Variants in IPO11 observed in about 807,000 individuals in gnomAD.
IPO11 encodes importin 11.
IPO11 carries 66 observed loss-of-function variants against 143.2 expected under a neutral mutation model. The observed-to-expected ratio is 0.46, with a 90% confidence interval of 0.38 to 0.57. The LOEUF (loss-of-function observed/expected upper bound fraction) is 0.57, where lower values mean the gene tolerates loss of function less well. Among genes scored for constraint, IPO11 ranks in the 20% least tolerant of loss-of-function variants. IPO11 has a pLI of 0.00. For missense variants in IPO11, 1,026 were observed against 1,141.0 expected, an observed-to-expected ratio of 0.90 and a Z score of 1.45; for synonymous variants, 385 against 377.8, an observed-to-expected ratio of 1.02 and a Z score of -0.22.
At chr5:62,619,084 A>G (rs1052188335) in intron 29 of IPO11, among the ~76,000 whole-genome samples, 2 of 152,126 alleles carry the variant, frequency 1.3e-5, no homozygotes, top group Non-Finnish European at 2.9e-5. Flanking sequence ...TTAGCCAGGC[A>G]TGGTATTGCA....
intron 5 of IPO11, among the ~76,000 whole-genome samples, chr5:62,452,659 G>A (rs1177473285): frequency 9.4e-5 from 10 of 106,532 alleles, no homozygotes; most frequent in Admixed American, 7.9e-4. Context: ...TTGGTTTTGG[G>A]TTCGTGTGTG....
chr5:62,495,118 C>G (rs1281058605), intron 16 of IPO11, among the ~76,000 whole-genome samples: 1 of 152,080 alleles, frequency 6.6e-6, no homozygotes, highest in African/African-American at 2.4e-5. Flanking sequence ...GATTTTCTAC[C>G]TAAGTATTAT....
chr5:62,429,570 C>T (rs1743897421), intron 1 of IPO11, among the ~76,000 whole-genome samples: 1 of 145,298 alleles, frequency 6.9e-6, no homozygotes, highest in Non-Finnish European at 1.5e-5. Context: ...CGCACACCAC[C>T]ATGCCCGTCT....
chr5:62,452,299 G>A (rs1460065146), intron 5 of IPO11, among the ~76,000 whole-genome samples: 1 of 151,156 alleles, frequency 6.6e-6, no homozygotes, highest in Non-Finnish European at 1.5e-5. Context: ...AAAAAAAAAT[G>A]ACTATAGTTT....
intron 2 of IPO11, among the ~76,000 whole-genome samples, chr5:62,442,378 A>G (rs1744515350): frequency 1.3e-5 from 2 of 152,140 alleles, no homozygotes; most frequent in African/African-American, 4.8e-5. Flanking sequence ...TAATTTTTTT[A>G]CTAGGGGAAT....
At chr5:62,434,225 C>G (rs780560689) in intron 1 of IPO11, among the ~76,000 whole-genome samples, 1 of 152,128 alleles carries the variant, frequency 6.6e-6, no homozygotes, top group African/African-American at 2.4e-5. Flanking sequence ...TCATTCACGT[C>G]TCTCATAAAT....
At chr5:62,470,405 G>A (rs1194925425) in intron 7 of IPO11, 97 bp downstream of exon 7, 1 of 1,080,464 alleles carries the variant, frequency 9.3e-7, no homozygotes, top group African/African-American at 1.6e-5. Context: ...AATTAGAAGA[G>A]TTTTTATTAA....
intron 15 of IPO11, among the ~76,000 whole-genome samples, chr5:62,493,453 G>A (rs1741018781): frequency 6.6e-6 from 1 of 152,004 alleles, no homozygotes; most frequent in Non-Finnish European, 1.5e-5. Context: ...AAAAGAGTCA[G>A]GATTACAACA....
At chr5:62,477,516 T>C (rs751624696) in intron 9 of IPO11, among the ~76,000 whole-genome samples, 12 of 152,202 alleles carry the variant, frequency 7.9e-5, no homozygotes, top group Non-Finnish European at 1.3e-4. Context: ...TCGTTTCTCT[T>C]GTTCCAAGTA....
chr5:62,493,402 T>C (rs555827851), intron 15 of IPO11, among the ~76,000 whole-genome samples: 43 of 152,280 alleles, frequency 2.8e-4, no homozygotes, highest in Admixed American at 1.8e-3. Flanking sequence ...CAAATGGATT[T>C]GGTTTTTATG....
intron 28 of IPO11, among the ~76,000 whole-genome samples, chr5:62,599,044 C>T (rs202132460): frequency 5.9e-5 from 9 of 152,088 alleles, no homozygotes; most frequent in South Asian, 2.1e-4. Flanking sequence ...ATCAACATGA[C>T]GGAGGAAATG....
intron 12 of IPO11, among the ~76,000 whole-genome samples, chr5:62,485,950 C>T (rs758963928): frequency 4.4e-4 from 65 of 148,436 alleles, no homozygotes; most frequent in African/African-American, 1.4e-3. Flanking sequence ...TAAATTATGA[C>T]GTTTAATCTG....
intron 4 of IPO11, among the ~76,000 whole-genome samples, chr5:62,450,849 T>G (rs1402993268): frequency 6.7e-6 from 1 of 149,978 alleles, no homozygotes; most frequent in Non-Finnish European, 1.5e-5. Flanking sequence ...AATTCTTAAG[T>G]TTTTTCAAGA....
At position 62,625,423 on chromosome 5, in the gene IPO11, C is replaced by T. The variant is rs544680398; in HGVS notation, c.2764-1731C>T. Among the ~76,000 whole-genome samples the T allele has an allele frequency of 2.6e-5, 4 of 152,266 alleles. No homozygotes were observed. The East Asian group carries it at 5.8e-4, about 22-fold the overall frequency. On this transcript the variant is annotated intron_variant, in intron 29 of 29. Transcript: ENST00000325324. ...ACTGAGCCACGTGCTCATTAAAATCCGATGTGTAGACTTTAGAAGTGAATC... is the reference window on the plus strand; with the variant it reads ...ACTGAGCCACGTGCTCATTAAAATCTGATGTGTAGACTTTAGAAGTGAATC...
At chr5:62,565,853 C>G (rs973947608) in intron 27 of IPO11, among the ~76,000 whole-genome samples, 3 of 149,714 alleles carry the variant, frequency 2.0e-5, no homozygotes, top group African/African-American at 7.3e-5. Context: ...TTGTTCAACT[C>G]CCACTTATGA....
intron 26 of IPO11, among the ~76,000 whole-genome samples, chr5:62,553,325 T>A (rs957450142): frequency 6.8e-5 from 4 of 58,916 alleles, no homozygotes; most frequent in Non-Finnish European, 1.3e-4. Context: ...TTCGTGTGAG[T>A]GTGTGTGTGT....
At chr5:62,433,148 T>C (rs1338937567) in intron 1 of IPO11, among the ~76,000 whole-genome samples, 1 of 151,678 alleles carries the variant, frequency 6.6e-6, no homozygotes, top group African/African-American at 2.4e-5. Flanking sequence ...ACCTTTTTGT[T>C]TTTTGTTTTT....
chr5:62,479,148 C>G (rs192942700), intron 9 of IPO11, among the ~76,000 whole-genome samples: 2 of 152,260 alleles, frequency 1.3e-5, no homozygotes, highest in Admixed American at 6.5e-5. Flanking sequence ...CAAGTGTTCT[C>G]ATTGTTCGAT....
At chr5:62,476,639 T>A (rs756341591) in intron 8 of IPO11, 44 bp from the exon 9 acceptor site, 89 of 1,483,464 alleles carry the variant, frequency 6.0e-5, no homozygotes, top group Non-Finnish European at 7.9e-5. Context: ...TTGTCTTGGT[T>A]GTGAACTTAT....
Sources: gnomAD v4.1 joint callset for allele counts (sites outside exome capture counted in the v4.1 genomes callset) on GRCh38, gnomAD v4.1.1 for gene constraint, MANE v1.5 for transcripts, NCBI Gene and HGNC (gene_info 2026-07-23, HGNC 2026-07-21) for gene names.